Variants in SH3RF3 observed in about 807,000 individuals in gnomAD.
The protein encoded by SH3RF3 is SH3 domain containing ring finger 3.
In SH3RF3, 29 loss-of-function variants were observed where a neutral mutation model predicts 66.3. That is an observed-to-expected ratio of 0.44 (90% CI 0.33 to 0.60). SH3RF3 has a LOEUF of 0.60. Among genes scored for constraint, SH3RF3 ranks in the 20% least tolerant of loss-of-function variants. The probability of loss-of-function intolerance (pLI) is 0.04; values close to 1 mark genes in which losing one functional copy is unlikely to be tolerated. For synonymous variants in SH3RF3, 583 were observed against 532.0 expected (o/e 1.10, Z -1.32); for missense variants, 1,194 against 1,190.9 (o/e 1.00, Z -0.04).
At chr2:109,340,582 T>C (rs1682536197) in intron 1 of SH3RF3, among the ~76,000 whole-genome samples, 2 of 152,224 alleles carry the variant, frequency 1.3e-5, no homozygotes, top group Admixed American at 6.5e-5. Context: ...GACCACTTCC[T>C]ACACTTAGAA....
chr2:109,371,520 T>A, intron 2 of SH3RF3, 66 bp from the exon 3 acceptor site: 1 of 1,391,208 alleles, frequency 7.2e-7, no homozygotes, highest in Non-Finnish European at 1.0e-6. Context: ...CTAACCAGTG[T>A]CTTGCTTCCT....
At chr2:109,498,786 G>A (rs1192581904) in intron 9 of SH3RF3, among the ~76,000 whole-genome samples, 2 of 152,226 alleles carry the variant, frequency 1.3e-5, no homozygotes, top group Non-Finnish European at 2.9e-5. Context: ...AGGCAGGATG[G>A]GTTGGGTAAA....
intron 2 of SH3RF3, among the ~76,000 whole-genome samples, chr2:109,369,803 C>T (rs918902971): frequency 2.0e-5 from 3 of 152,190 alleles, no homozygotes; most frequent in South Asian, 4.1e-4. Context: ...CCTCCGCTCC[C>T]GGTGAAGCAG....
At chr2:109,441,104 A>T (rs965663723) in intron 7 of SH3RF3, among the ~76,000 whole-genome samples, 3 of 148,512 alleles carry the variant, frequency 2.0e-5, no homozygotes, top group Non-Finnish European at 4.4e-5. Context: ...TTGTCCCAGA[A>T]CAAAGCTTAA....
At chr2:109,352,014 C>A (rs556821865) in intron 2 of SH3RF3, among the ~76,000 whole-genome samples, 1 of 152,344 alleles carries the variant, frequency 6.6e-6, no homozygotes, top group South Asian at 2.1e-4. Context: ...AGAGTTCAGG[C>A]TCTAGCATGA....
At chr2:109,417,963 G>A (rs1343488360) in intron 4 of SH3RF3, among the ~76,000 whole-genome samples, 1 of 152,160 alleles carries the variant, frequency 6.6e-6, no homozygotes, top group East Asian at 1.9e-4. Context: ...CAGTCTGGGG[G>A]CAGGGCTGGC....
At chr2:109,355,344 T>A (rs1682927812) in intron 2 of SH3RF3, among the ~76,000 whole-genome samples, 1 of 152,154 alleles carries the variant, frequency 6.6e-6, no homozygotes, top group African/African-American at 2.4e-5. Flanking sequence ...ATGCCTGTGG[T>A]TTCTGGTTTG....
At chr2:109,370,959 A>C (rs1683260070) in intron 2 of SH3RF3, among the ~76,000 whole-genome samples, 1 of 152,236 alleles carries the variant, frequency 6.6e-6, no homozygotes, top group Non-Finnish European at 1.5e-5. Flanking sequence ...TTTTCTACTT[A>C]GCTGAATTTA....
intron 1 of SH3RF3, among the ~76,000 whole-genome samples, chr2:109,147,978 G>A (rs1677138463): frequency 6.6e-6 from 1 of 152,182 alleles, no homozygotes. Context: ...TTACAGGTTT[G>A]CTTAAGATCT....
intron 1 of SH3RF3, among the ~76,000 whole-genome samples, chr2:109,320,616 C>G: frequency 6.6e-6 from 1 of 152,202 alleles, no homozygotes; most frequent in Admixed American, 6.5e-5. Flanking sequence ...ACTAGGTCAC[C>G]AAAATCAGTG....
chr2:109,129,866 C>G lies in SH3RF3; in HGVS notation c.326C>G (p.Pro109Arg). The change falls in exon 1 of 10, where the codon CCC (proline) becomes CGC (arginine). Residue 109 changes from proline (P) to arginine (R), a missense_variant. Pro to Arg is a moderately radical substitution (Grantham distance 103). Coordinates refer to ENST00000309415, the MANE Select transcript of SH3RF3 (RefSeq NM_001099289.3). ...ILVGCGVDELPANILLVRLLD... is the reference protein window; with the variant it reads ...ILVGCGVDELRANILLVRLLD... ...GTGGGCTGCGGCGTGGACGAACTGC[C>G]CGCCAACATCTTGCTGGTGCGACTG... 1 of 1,525,186 alleles carries G rather than the reference C, an allele frequency of 6.6e-7. No individual in the cohort carries two copies. The highest frequency in any genetic ancestry group is 8.8e-7 in the Non-Finnish European group (1 of 1,141,164). 94.5% of individuals were successfully genotyped at this position (1,525,186 alleles called of 1,614,324 possible). A position where few individuals can be genotyped will look rare whatever the true frequency, so the allele number is the denominator to read the frequency against.
chr2:109,201,140 T>G (rs112071503), intron 1 of SH3RF3, among the ~76,000 whole-genome samples: 1 of 152,256 alleles, frequency 6.6e-6, no homozygotes, highest in Non-Finnish European at 1.5e-5. Context: ...GGTACGGCTC[T>G]GGCTTCACAC....
At chr2:109,327,368 A>G (rs1045405595) in intron 1 of SH3RF3, among the ~76,000 whole-genome samples, 11 of 152,152 alleles carry the variant, frequency 7.2e-5, no homozygotes, top group Admixed American at 5.2e-4. Flanking sequence ...CTTCAGTTCC[A>G]TCGGTCTATT....
intron 1 of SH3RF3, among the ~76,000 whole-genome samples, chr2:109,143,417 A>G (rs891063449): frequency 6.6e-6 from 1 of 152,084 alleles, no homozygotes; most frequent in African/African-American, 2.4e-5. Context: ...TCTGAAAGCA[A>G]CCCAGATGTC....
intron 1 of SH3RF3, among the ~76,000 whole-genome samples, chr2:109,224,093 C>T (rs898655577): frequency 1.1e-4 from 17 of 152,206 alleles, no homozygotes; most frequent in South Asian, 1.0e-3. Flanking sequence ...TACCTAGCCT[C>T]GCCCCTTGTT....
At chr2:109,215,144 C>G (rs1274303719) in intron 1 of SH3RF3, among the ~76,000 whole-genome samples, 1 of 152,204 alleles carries the variant, frequency 6.6e-6, no homozygotes, top group Non-Finnish European at 1.5e-5. Context: ...ATCTACGTGT[C>G]TTTCTGTGTT....
chr2:109,490,462 T>C (rs1305520770), intron 8 of SH3RF3, 143 bp from the exon 9 acceptor site: 3 of 687,766 alleles, frequency 4.4e-6, no homozygotes, highest in Non-Finnish European at 6.5e-6. Flanking sequence ...CTGCTGTTGC[T>C]GTGAGTGGTA....
At chr2:109,352,804 G>A (rs1291754040) in intron 2 of SH3RF3, among the ~76,000 whole-genome samples, 1 of 152,240 alleles carries the variant, frequency 6.6e-6, no homozygotes, top group Non-Finnish European at 1.5e-5. Flanking sequence ...GCAGAGGGGA[G>A]CAGAGCACCC....
At chr2:109,213,523 T>C (rs1391787797) in intron 1 of SH3RF3, among the ~76,000 whole-genome samples, 1 of 152,120 alleles carries the variant, frequency 6.6e-6, no homozygotes, top group Non-Finnish European at 1.5e-5. Flanking sequence ...ATATCTGCCA[T>C]CTGAAGCCTC....
Sources: allele counts gnomAD v4.1 joint callset (sites outside exome capture counted in the v4.1 genomes callset), GRCh38; gene constraint gnomAD v4.1.1; transcripts MANE v1.5; gene names NCBI Gene and HGNC (gene_info 2026-07-23, HGNC 2026-07-21).